KCND3: variants seen among roughly 807,000 people sequenced by gnomAD.
The protein encoded by KCND3 is A-type voltage-gated potassium channel KCND3.
Under a neutral mutation model 51.1 loss-of-function variants are expected in KCND3, and 9 were observed. The ratio of observed to expected loss-of-function variants is 0.18; its 90% confidence interval spans 0.11 to 0.31. The LOEUF is 0.31. Ranked by LOEUF, KCND3 falls within the 10% of genes least tolerant of loss-of-function variation. The pLI is 1.00. For missense variants in KCND3, 526 were observed against 903.8 expected (o/e 0.58, Z 5.36); for synonymous variants, 349 against 368.0 (o/e 0.95, Z 0.59).
chr1:111,799,482 T>A (rs1026011571), intron 2 of KCND3, among the ~76,000 whole-genome samples: 1 of 152,194 alleles, frequency 6.6e-6, no homozygotes, highest in Non-Finnish European at 1.5e-5. Flanking sequence ...TTAAACCAAC[T>A]GGTTATTCTT....
At position 111,982,812 on chromosome 1, in the gene KCND3, G is replaced by C; in HGVS notation, c.-72-14C>G. The C allele has an allele frequency of 6.6e-7, 1 of 1,522,432 alleles. No individual in the cohort carries two copies. Among genetic ancestry groups the C allele is most frequent in the Non-Finnish European group, 8.8e-7 (1 of 1,134,768 alleles). The allele number at this position is 1,522,432 out of a possible 1,614,324, so 94.3% of individuals were successfully genotyped here. The stretch of plus-strand genomic sequence containing the variant: ...GTTCAGCAAACCCTGGGAGACAGGA[G>C]GGGAGAGAGAGAAGCGGTGAGTCCA... On this transcript the variant is annotated splice_polypyrimidine_tract_variant and intron_variant, in intron 1 of 7. Coordinates refer to ENST00000302127, the MANE Select transcript of KCND3 (RefSeq NM_001378969.1). This position sits in a 1 kb window ranked among gnomAD's most constrained non-coding sequence, Gnocchi z 8.5.
At chr1:111,913,152 A>G (rs1671043884) in intron 2 of KCND3, among the ~76,000 whole-genome samples, 1 of 152,180 alleles carries the variant, frequency 6.6e-6, no homozygotes, top group South Asian at 2.1e-4. Flanking sequence ...CTATGTTTAG[A>G]TACACAAACA....
At chr1:111,796,799 A>C (rs1358384495) in intron 2 of KCND3, among the ~76,000 whole-genome samples, 1 of 152,252 alleles carries the variant, frequency 6.6e-6, no homozygotes, top group Non-Finnish European at 1.5e-5. Context: ...TGAACCTAGA[A>C]ACCCTGCTGG....
intron 2 of KCND3, among the ~76,000 whole-genome samples, 195 bp from the exon 3 acceptor site, chr1:111,787,301 A>T (rs1198717706): frequency 6.6e-6 from 1 of 152,236 alleles, no homozygotes; most frequent in African/African-American, 2.4e-5. Flanking sequence ...GCAGGGAGCC[A>T]ACATCCTAAC....
At chr1:111,934,970 G>A (rs1395693255) in intron 2 of KCND3, among the ~76,000 whole-genome samples, 1 of 152,170 alleles carries the variant, frequency 6.6e-6, no homozygotes, top group African/African-American at 2.4e-5. Flanking sequence ...CTATTCTTCT[G>A]ATTTATTTAT....
intron 2 of KCND3, among the ~76,000 whole-genome samples, chr1:111,809,818 G>T (rs754106587): frequency 1.3e-5 from 2 of 152,116 alleles, no homozygotes; most frequent in African/African-American, 4.8e-5. Flanking sequence ...ACCAAGACAG[G>T]GTCCCCAACC....
At chr1:111,805,797 G>C (rs1665539491) in intron 2 of KCND3, among the ~76,000 whole-genome samples, 4 of 152,264 alleles carry the variant, frequency 2.6e-5, no homozygotes, top group Admixed American at 2.6e-4. Context: ...CGGCTGCAGA[G>C]CAGGGCAGCA....
chr1:111,936,685 T>C (rs1672239188), intron 2 of KCND3, among the ~76,000 whole-genome samples: 1 of 152,196 alleles, frequency 6.6e-6, no homozygotes, highest in Admixed American at 6.5e-5. Flanking sequence ...CCACTGAAAG[T>C]CCTATCCTAA....
chr1:111,823,776 T>C (rs1666453952), intron 2 of KCND3, among the ~76,000 whole-genome samples: 1 of 152,156 alleles, frequency 6.6e-6, no homozygotes, highest in African/African-American at 2.4e-5. Context: ...CTCAGCTAGT[T>C]AGCAGCCCAG....
chr1:111,954,545 A>G (rs999187784), intron 2 of KCND3, among the ~76,000 whole-genome samples: 9 of 152,348 alleles, frequency 5.9e-5, no homozygotes, highest in Non-Finnish European at 1.2e-4. Flanking sequence ...GGGAGCTGAA[A>G]GTGAAGTTGC....
intron 2 of KCND3, among the ~76,000 whole-genome samples, chr1:111,902,622 T>C (rs942530070): frequency 1.3e-5 from 2 of 152,230 alleles, no homozygotes; most frequent in Non-Finnish European, 2.9e-5. Context: ...TCCACAGGTC[T>C]GGGGCCAGGA....
intron 2 of KCND3, among the ~76,000 whole-genome samples, chr1:111,875,485 T>C (rs1669009112): frequency 6.6e-6 from 1 of 152,210 alleles, no homozygotes; most frequent in Admixed American, 6.5e-5. Flanking sequence ...GCCATTTCTA[T>C]ACAAACCAAA....
intron 2 of KCND3, among the ~76,000 whole-genome samples, chr1:111,955,309 G>A (rs960736869): frequency 6.6e-6 from 1 of 152,150 alleles, no homozygotes; most frequent in Non-Finnish European, 1.5e-5. Flanking sequence ...TGCTACTTAG[G>A]AGGCTGGGGC....
At chr1:111,989,394 CA>C (rs1675507571) in intron 1 of KCND3, among the ~76,000 whole-genome samples, 110 bp downstream of exon 1, 1 of 152,102 alleles carries the variant, frequency 6.6e-6, no homozygotes, top group South Asian at 2.1e-4. Flanking sequence ...AGCGCCCACC[CA>C]CCCGGGCGCG....
chr1:111,807,705 C>T (rs1224584276), intron 2 of KCND3, among the ~76,000 whole-genome samples: 1 of 152,186 alleles, frequency 6.6e-6, no homozygotes, highest in Non-Finnish European at 1.5e-5. Context: ...ACATGCTATA[C>T]AGGTTTGTAG....
chr1:111,960,628 G>T (rs1375559600), intron 2 of KCND3, among the ~76,000 whole-genome samples: 1 of 152,226 alleles, frequency 6.6e-6, no homozygotes, highest in African/African-American at 2.4e-5. Flanking sequence ...GGCCAGAGGT[G>T]GGGTAGGGGG....
At chr1:111,905,648 G>A (rs936535500) in intron 2 of KCND3, among the ~76,000 whole-genome samples, 14 of 152,192 alleles carry the variant, frequency 9.2e-5, no homozygotes, top group Non-Finnish European at 2.1e-4. Context: ...AGGTGACTAT[G>A]GCGTGCAGCC....
intron 2 of KCND3, among the ~76,000 whole-genome samples, chr1:111,837,119 A>G (rs905008353): frequency 9.9e-5 from 15 of 152,210 alleles, no homozygotes; most frequent in African/African-American, 1.2e-4. Context: ...AAGTGTCCTT[A>G]TCTGTATTTT....
chr1:111,776,903 G>A (rs1256956669), intron 7 of KCND3, 123 bp downstream of exon 7: 1 of 1,530,048 alleles, frequency 6.5e-7, no homozygotes, highest in African/African-American at 1.4e-5. Flanking sequence ...AGGTAGAGGG[G>A]CTCATGCATT....
Sources: allele counts gnomAD v4.1 joint callset (sites outside exome capture counted in the v4.1 genomes callset), GRCh38; gene constraint gnomAD v4.1.1; non-coding constraint Gnocchi (gnomAD v3.1); transcripts MANE v1.5; gene names NCBI Gene and HGNC (gene_info 2026-07-23, HGNC 2026-07-21).